Variants in BOD1L1 observed in about 807,000 individuals in gnomAD.
The protein encoded by BOD1L1 is biorientation of chromosomes in cell division 1 like 1.
In BOD1L1, 86 loss-of-function variants were observed where a neutral mutation model predicts 240.7. The observed-to-expected ratio is 0.36, with a 90% confidence interval of 0.30 to 0.43. The LOEUF is 0.43. Ranked by LOEUF, BOD1L1 falls within the 20% of genes least tolerant of loss-of-function variation. The pLI, the probability that BOD1L1 is intolerant of heterozygous loss-of-function variation, is 1.00. For missense variants in BOD1L1, 3,554 were observed against 3,643.5 expected (o/e 0.98, Z 0.63); for synonymous variants, 1,268 against 1,272.3 (o/e 1.00, Z 0.07).
rs1463686833 is a variant in BOD1L1, at chr4:13,614,953, C to T, written c.560-143G>A. The T allele has an allele frequency of 8.8e-6, 8 of 907,296 alleles. No individual in the cohort carries two copies. In the African/African-American group the frequency reaches 1.2e-4, roughly 13 times the overall value. 56.2% of individuals were successfully genotyped at this position (907,296 alleles called of 1,614,324 possible). ...TATATTCTTTTAGACTTTCAGGTACCAGTACTAGTATATACCATATTCTGA... is the reference window on the plus strand; with the variant it reads ...TATATTCTTTTAGACTTTCAGGTACTAGTACTAGTATATACCATATTCTGA... On this transcript the variant is annotated intron_variant, in intron 3 of 25. Transcript: ENST00000040738.
Position 13,601,986 on chromosome 4 carries a change from G to C in BOD1L1, c.4914C>G (p.Ile1638Met). The C allele has an allele frequency of 6.2e-7, 1 of 1,613,916 alleles. No homozygotes were observed. Among genetic ancestry groups the C allele is most frequent in the Non-Finnish European group, 8.5e-7 (1 of 1,179,900 alleles). ...TCACAACGCTATTTACATTGGCTTC[G>C]ATTTTAACTGCATGCACAGCCAGTA... ...ADLLAVHAVK[I>M]EANVNSVVTE... Residue 1638 changes from isoleucine (I) to methionine (M), a missense_variant, in exon 10 of 26, where the codon ATC becomes ATG. Physicochemically the swap from Ile to Met is conservative, Grantham distance 10. Around this residue, in one of 2 missense-constraint regions of BOD1L1, gnomAD observed 3,393 missense variants for 3,427.1 expected, o/e 0.99. Transcript: ENST00000040738.
intron 24 of BOD1L1, 68 bp from the exon 25 acceptor site, chr4:13,577,059 T>A: frequency 1.3e-6 from 2 of 1,558,260 alleles, no homozygotes; most frequent in South Asian, 1.2e-5. Context: ...GAGAGAGTCA[T>A]GGAGTTTAGA....
rs1714582582 is a variant in BOD1L1, at chr4:13,595,899, G to A, written c.8065C>T (p.Pro2689Ser). 2 of 1,613,656 alleles carry A rather than the reference G, an allele frequency of 1.2e-6. No individual in the cohort carries two copies. Among genetic ancestry groups the A allele is most frequent in the Non-Finnish European group, 1.7e-6 (2 of 1,179,818 alleles). ...EEEKNGEILA[P>S]PESLCGGKPS... ...TTTCCCCCACACAGACTTTCTGGTG[G>A]TGCCAGAATTTCACCATTTTTCTCT... Residue 2689 changes from proline to serine, a missense_variant, in exon 12 of 26, where the codon CCA becomes TCA. By Grantham distance (74) the Pro-to-Ser change is moderately conservative. Transcript: ENST00000040738.
intron 6 of BOD1L1, among the ~76,000 whole-genome samples, chr4:13,610,512 C>T (rs1337743770): frequency 6.6e-6 from 1 of 152,134 alleles, no homozygotes; most frequent in Non-Finnish European, 1.5e-5. Flanking sequence ...AGGTGGCAGT[C>T]AAAATGCAGT....
chr4:13,604,279 T>G lies in BOD1L1; in HGVS notation c.2621A>C (p.Asp874Ala), dbSNP rs754115753. Residue 874 changes from aspartate to alanine, a missense_variant, in exon 10 of 26, where the codon GAT (aspartate) becomes GCT (alanine). Transcript: ENST00000040738. ...GTTAGTGGAGTCCATATCACACTTATCTTCCGAATAACTTTCACTTCTTCT... is the reference window on the plus strand; with the variant it reads ...GTTAGTGGAGTCCATATCACACTTAGCTTCCGAATAACTTTCACTTCTTCT... ...LQRRSESYSE[D>A]KCDMDSTNMD... 1 of 1,608,262 alleles carries G rather than the reference T, an allele frequency of 6.2e-7. No individual in the cohort carries two copies. The highest frequency in any genetic ancestry group is 8.5e-7 in the Non-Finnish European group (1 of 1,178,634).
At chr4:13,618,867 TA>T (rs11367235) in intron 2 of BOD1L1, among the ~76,000 whole-genome samples, 3,248 of 146,640 alleles carry the variant, frequency 0.022, 117 homozygotes, top group African/African-American at 0.076. Flanking sequence ...GTTTAACTGT[TA>T]AAAAAAAAAA....
intron 9 of BOD1L1, among the ~76,000 whole-genome samples, chr4:13,606,592 C>A (rs115153175): frequency 6.6e-6 from 1 of 152,072 alleles, no homozygotes. Flanking sequence ...ACAACCTAAG[C>A]GCTAAAATAT....
In BOD1L1 at chr4:13,600,745, C is replaced by T. The variant is rs751069341; in HGVS notation, c.6155G>A (p.Ser2052Asn). ...ECDGLMATTASGDITNQNSLA... is the reference protein window; with the variant it reads ...ECDGLMATTANGDITNQNSLA... ...GCTATTCTGGTTGGTAATATCACCA[C>T]TGGCTGTAGTTGCCATGAGACCATC... Residue 2052 changes from serine to asparagine, a missense_variant, in exon 10 of 26, where the codon AGT becomes AAT. Transcript: ENST00000040738. 1.2e-6 allele frequency: 2 copies of T among 1,613,934 alleles called. No individual in the cohort carries two copies. The highest frequency in any genetic ancestry group is 2.7e-5 in the African/African-American group (2 of 74,952).
chr4:13,622,578 T>G (rs1458949363), intron 1 of BOD1L1, among the ~76,000 whole-genome samples: 2 of 152,156 alleles, frequency 1.3e-5, no homozygotes, highest in Admixed American at 1.3e-4. Flanking sequence ...TAGCAAATTC[T>G]CTCAACAGTA....
At position 13,568,851 on chromosome 4, in the gene BOD1L1, C is replaced by G. The variant is rs533176656; in HGVS notation, c.*1160G>C. On this transcript the variant is annotated 3_prime_UTR_variant, in exon 26 of 26. Coordinates refer to ENST00000040738, the MANE Select transcript of BOD1L1 (RefSeq NM_148894.3). Reference sequence around the variant, plus strand: ...AAATAAAAAAAAAAACCCATACACACTGAATGTAAATTTTAATTATAAAAC... The same window carrying G: ...AAATAAAAAAAAAAACCCATACACAGTGAATGTAAATTTTAATTATAAAAC... The G allele has an allele frequency of 6.6e-6, 1 of 151,816 alleles. No individual in the cohort carries two copies. The highest frequency in any genetic ancestry group is 1.5e-5 in the Non-Finnish European group (1 of 67,912). The allele number at this position is 151,816 out of a possible 1,614,324, so 9.4% of individuals were successfully genotyped here.
chr4:13,602,892 T>C lies in BOD1L1; in HGVS notation c.4008A>G (p.Glu1336=), dbSNP rs751459215. ...PNQSLTVRES[E]VLKTSDSKEG... ...CTTTGCTGTCACTTGTCTTAAGGAC[T>C]TCTGATTCCCTAACAGTCAGACTTT... Residue 1336 remains glutamate, a synonymous_variant, in exon 10 of 26, where the codon GAA becomes GAG. Transcript: ENST00000040738. 2.5e-6 allele frequency: 4 copies of C among 1,614,050 alleles called. No homozygotes were observed. The highest frequency in any genetic ancestry group is 3.4e-6 in the Non-Finnish European group (4 of 1,179,894).
In BOD1L1 at chr4:13,599,861, G is replaced by A. The variant is rs1714958518; in HGVS notation, c.7039C>T (p.His2347Tyr). Reference protein sequence around the residue: ...CMPISASIDRHEENQLTADNP... With the variant: ...CMPISASIDRYEENQLTADNP... ...TCTGCAGTCAGCTGATTCTCTTCAT[G>A]TCTGTCAATGCTGGCGGAAATTGGC... The change falls in exon 10 of 26, where the codon CAT becomes TAT. Residue 2347 changes from histidine to tyrosine, a missense_variant. This residue lies in a region of BOD1L1 where 3,393 missense variants were observed against 3,427.1 expected (regional missense o/e 0.99). Transcript: ENST00000040738. The A allele has an allele frequency of 6.2e-7, 1 of 1,613,836 alleles. No homozygotes were observed. The highest frequency in any genetic ancestry group is 1.3e-5 in the African/African-American group (1 of 74,912).
At chr4:13,582,798 TC>T in intron 17 of BOD1L1, 62 bp from the exon 18 acceptor site, 1 of 1,127,168 alleles carries the variant, frequency 8.9e-7, no homozygotes, top group Non-Finnish European at 1.3e-6. Flanking sequence ...CCATTCATCC[TC>T]CCCACACAAG....
chr4:13,602,919 G>A lies in BOD1L1; in HGVS notation c.3981C>T (p.Asn1327=). 6.2e-7 allele frequency: 1 copy of A among 1,614,000 alleles called. No individual in the cohort carries two copies. Among genetic ancestry groups the A allele is most frequent in the Non-Finnish European group, 8.5e-7 (1 of 1,179,886 alleles). The change falls in exon 10 of 26, where the codon AAC becomes AAT. Residue 1327 remains asparagine (N), a synonymous_variant. Transcript: ENST00000040738. The part of the protein sequence containing the change: ...TSPADHSALP[N]QSLTVRESEV... ...CTGATTCCCTAACAGTCAGACTTTG[G>A]TTAGGGAGAGCAGAGTGATCCGCAG...
Position 13,601,699 on chromosome 4 carries a change from C to G in BOD1L1, c.5201G>C (p.Gly1734Ala), listed in dbSNP as rs1413325496. 6.2e-7 allele frequency: 1 copy of G among 1,613,984 alleles called. No homozygotes were observed. The highest frequency in any genetic ancestry group is 2.2e-5 in the East Asian group (1 of 44,882). ...GCAGATCACAAAGTTATCACTTCTG[C>G]CTTCTGCTCCTGTACATGTCACAGT... The part of the protein sequence containing the change: ...EGTVTCTGAE[G>A]RSDNFVICSV... Residue 1734 changes from glycine (G) to alanine (A), a missense_variant, in exon 10 of 26, where the codon GGC becomes GCC. Coordinates refer to ENST00000040738, the MANE Select transcript of BOD1L1 (RefSeq NM_148894.3).
Position 13,608,741 on chromosome 4 carries a change from A to C in BOD1L1, c.1604-73T>G. ...ACAATGTAATATTAATTTTTCATTAAGATTTTTCTAATCATTGTTAAAGCC... is the reference window on the plus strand; with the variant it reads ...ACAATGTAATATTAATTTTTCATTACGATTTTTCTAATCATTGTTAAAGCC... On this transcript the variant is annotated intron_variant, in intron 7 of 25. Transcript: ENST00000040738. The C allele has an allele frequency of 2.4e-6, 3 of 1,261,288 alleles. No homozygotes were observed. In the South Asian group the frequency reaches 6.4e-5, roughly 27 times the overall value. The allele number at this position is 1,261,288 out of a possible 1,614,324, so 78.1% of individuals were successfully genotyped here. A position where few individuals can be genotyped will look rare whatever the true frequency, so the allele number is the denominator to read the frequency against.
In BOD1L1 at chr4:13,603,226, T is replaced by C. The variant is rs1162617742; in HGVS notation, c.3674A>G (p.His1225Arg). 6.2e-7 allele frequency: 1 copy of C among 1,614,060 alleles called. No individual in the cohort carries two copies. Among genetic ancestry groups the C allele is most frequent in the Non-Finnish European group, 8.5e-7 (1 of 1,179,898 alleles). ...TATATTCACTTCAGTAGTTCCTCTA[T>C]GAATGGGTTCTTTCTCCCCAGGGTT... ...KMNPGEKEPI[H>R]RGTTEVNIDS... The change falls in exon 10 of 26, where the codon CAT (histidine) becomes CGT (arginine). Residue 1225 changes from histidine (H) to arginine (R), a missense_variant. Around this residue, in one of 2 missense-constraint regions of BOD1L1, gnomAD observed 3,393 missense variants for 3,427.1 expected, o/e 0.99. Coordinates refer to ENST00000040738, the MANE Select transcript of BOD1L1 (RefSeq NM_148894.3).
rs991967909 is a variant in BOD1L1, at chr4:13,570,330, A to G, written c.9039-202T>C. On this transcript the variant is annotated intron_variant, in intron 25 of 25. Transcript: ENST00000040738. ...TGCTGTCAACCTCACACACAAACAC[A>G]GGACACTGGAAGAGAAGTTTGAAGC... Among the ~76,000 whole-genome samples, 6 of 152,248 alleles carry G rather than the reference A, an allele frequency of 3.9e-5. No individual in the cohort carries two copies. In the East Asian group the frequency reaches 1.2e-3, roughly 29 times the overall value.
At chr4:13,577,791 A>G in intron 22 of BOD1L1, 160 bp from the exon 23 acceptor site, 1 of 522,448 alleles carries the variant, frequency 1.9e-6, no homozygotes, top group Non-Finnish European at 3.3e-6. Context: ...CAGAATACCT[A>G]GCAGAGATCA....
Sources: allele counts gnomAD v4.1 joint callset (sites outside exome capture counted in the v4.1 genomes callset), GRCh38; gene constraint gnomAD v4.1.1; regional missense constraint gnomAD v4.1.1; transcripts MANE v1.5; gene names NCBI Gene and HGNC (gene_info 2026-07-23, HGNC 2026-07-21).